Variants in LPIN1 observed in about 807,000 individuals in gnomAD.
LPIN1 encodes the protein lipin 1.
A neutral mutation model predicts 107.5 loss-of-function variants in LPIN1; 71 were observed. The ratio of observed to expected loss-of-function variants is 0.66; its 90% CI spans 0.55 to 0.80. LPIN1 has a LOEUF of 0.80. Ranked by LOEUF, LPIN1 falls within the 30% of genes least tolerant of loss-of-function variation. LPIN1 has a pLI of 0.00. For synonymous variants in LPIN1, 445 were observed against 452.6 expected, an observed-to-expected ratio of 0.98 and a Z score of 0.21; for missense variants, 1,043 against 1,160.6, an observed-to-expected ratio of 0.90 and a Z score of 1.47.
chr2:11,701,828 G>A (rs554156919), intron 1 of LPIN1, among the ~76,000 whole-genome samples: 7 of 152,316 alleles, frequency 4.6e-5, no homozygotes, highest in African/African-American at 1.7e-4. Flanking sequence ...GGTATTATCC[G>A]TGGGTGTAGC....
intron 14 of LPIN1, among the ~76,000 whole-genome samples, chr2:11,796,882 G>A (rs1325127674): frequency 6.6e-6 from 1 of 152,210 alleles, no homozygotes; most frequent in Non-Finnish European, 1.5e-5. Flanking sequence ...TTGGAGTCAG[G>A]CAAGTGTGGT....
intron 1 of LPIN1, chr2:11,724,656 A>AG: frequency 1.0e-6 from 1 of 985,094 alleles, no homozygotes; most frequent in Non-Finnish European, 1.2e-6. Flanking sequence ...AAGGGCAGGC[A>AG]GGGAGGGTGG....
intron 1 of LPIN1, among the ~76,000 whole-genome samples, chr2:11,685,459 G>A (rs1009903074): frequency 1.3e-5 from 2 of 152,174 alleles, no homozygotes; most frequent in African/African-American, 4.8e-5. Flanking sequence ...AGGGGATGGT[G>A]GTTTGAACTA....
intron 1 of LPIN1, among the ~76,000 whole-genome samples, chr2:11,735,318 C>T (rs546843553): frequency 1.9e-4 from 29 of 151,936 alleles, no homozygotes; most frequent in Admixed American, 5.9e-4. Context: ...AAAGTGTTCC[C>T]ATGGTACCCT....
In LPIN1 at chr2:11,729,506, T is replaced by C. The variant is rs142208823; in HGVS notation, c.-72+4967T>C. On this transcript the variant is annotated intron_variant, in intron 1 of 21. Transcript: ENST00000396097. Reference sequence around the variant, plus strand: ...CTTTAGACCTGGGATTGGTAAACAATGACACATGGGCCATATCTGTTCTGG... The same window carrying C: ...CTTTAGACCTGGGATTGGTAAACAACGACACATGGGCCATATCTGTTCTGG... Among the ~76,000 whole-genome samples, 356 of 152,336 alleles carry C rather than the reference T, an allele frequency of 2.3e-3. 3 individuals are homozygous for C. Among genetic ancestry groups the C allele is most frequent in the Non-Finnish European group, 2.1e-3 (145 of 68,022 alleles).
chr2:11,809,789 T>C (rs1679342856), intron 17 of LPIN1, among the ~76,000 whole-genome samples: 1 of 152,198 alleles, frequency 6.6e-6, no homozygotes, highest in Non-Finnish European at 1.5e-5. Context: ...TTGCAGTCAT[T>C]GCCCTCTGCC....
chr2:11,778,812 G>T (rs573482045), intron 6 of LPIN1, among the ~76,000 whole-genome samples: 1 of 152,290 alleles, frequency 6.6e-6, no homozygotes, highest in South Asian at 2.1e-4. Flanking sequence ...GGTTACTTTG[G>T]CTGGGCAGAA....
intron 1 of LPIN1, among the ~76,000 whole-genome samples, chr2:11,709,172 C>A (rs557673448): frequency 1.3e-5 from 2 of 152,240 alleles, no homozygotes; most frequent in Non-Finnish European, 2.9e-5. Context: ...TTCACCCCAT[C>A]TCCCCCCTAC....
At chr2:11,730,999 C>T (rs1214253851) in intron 1 of LPIN1, among the ~76,000 whole-genome samples, 1 of 152,138 alleles carries the variant, frequency 6.6e-6, no homozygotes, top group African/African-American at 2.4e-5. Context: ...GGCACCCTGC[C>T]CTTGGTTTTC....
At chr2:11,698,833 G>A (rs894655089) in intron 1 of LPIN1, among the ~76,000 whole-genome samples, 1 of 152,194 alleles carries the variant, frequency 6.6e-6, no homozygotes, top group Non-Finnish European at 1.5e-5. Context: ...TGGTGTGTCA[G>A]CCTGAGCCAG....
intron 2 of LPIN1, among the ~76,000 whole-genome samples, chr2:11,718,895 G>A (rs1248195535): frequency 6.6e-6 from 1 of 152,166 alleles, no homozygotes; most frequent in Non-Finnish European, 1.5e-5. Flanking sequence ...AAGGAAAATG[G>A]AAAAACAAGC....
At chr2:11,762,333 C>A (rs1190998286) in intron 1 of LPIN1, among the ~76,000 whole-genome samples, 1 of 149,526 alleles carries the variant, frequency 6.7e-6, no homozygotes, top group Non-Finnish European at 1.5e-5. Flanking sequence ...CCCTTTCTTT[C>A]GGGTTCTATG....
intron 14 of LPIN1, among the ~76,000 whole-genome samples, chr2:11,800,091 C>T (rs1158477512): frequency 6.6e-6 from 1 of 152,226 alleles, no homozygotes; most frequent in Admixed American, 6.5e-5. Context: ...TCTTTGTCTT[C>T]AGCCCAGGTC....
chr2:11,744,999 G>T, upstream of LPIN1, among the ~76,000 whole-genome samples: 1 of 152,196 alleles, frequency 6.6e-6, no homozygotes, highest in East Asian at 1.9e-4. Flanking sequence ...CGGGAGCCGC[G>T]CCCCTGGACA....
At chr2:11,719,905 C>CTGT (rs1558748634), upstream of LPIN1, among the ~76,000 whole-genome samples, 10 of 150,664 alleles carry the variant, frequency 6.6e-5, no homozygotes, top group African/African-American at 2.4e-4. Context: ...ACAGAATGGT[C>CTGT]ATTTTTTGTT....
At chr2:11,810,329 A>G (rs1179385157) in intron 17 of LPIN1, among the ~76,000 whole-genome samples, 1 of 152,190 alleles carries the variant, frequency 6.6e-6, no homozygotes, top group African/African-American at 2.4e-5. Flanking sequence ...CTGAGTCTCC[A>G]TGGAGGAGCA....
chr2:11,773,059 G>A (rs1439920530), intron 4 of LPIN1, among the ~76,000 whole-genome samples: 1 of 152,154 alleles, frequency 6.6e-6, no homozygotes, highest in Admixed American at 6.5e-5. Context: ...ATAGACAGAT[G>A]GCCTCTGCAT....
chr2:11,815,463 C>T (rs949186478), intron 18 of LPIN1, among the ~76,000 whole-genome samples: 6 of 152,186 alleles, frequency 3.9e-5, no homozygotes, highest in African/African-American at 1.4e-4. Flanking sequence ...CGCTTGGTGG[C>T]TCCTCATGGC....
intron 18 of LPIN1, 79 bp downstream of exon 18, chr2:11,815,319 A>C: frequency 1.3e-6 from 2 of 1,529,962 alleles, no homozygotes; most frequent in South Asian, 2.3e-5. Flanking sequence ...TTTTGTAAGA[A>C]TAGCCTCCTC....
Sources: allele counts gnomAD v4.1 joint callset (sites outside exome capture counted in the v4.1 genomes callset), GRCh38; gene constraint gnomAD v4.1.1; transcripts MANE v1.5; gene names NCBI Gene and HGNC (gene_info 2026-07-23, HGNC 2026-07-21).